The following AMPD2 variants were observed in gnomAD, a reference collection of about 807,000 sequenced individuals.
AMPD2 encodes the protein adenosine monophosphate deaminase 2.
AMPD2 carries 52 observed loss-of-function variants against 91.3 expected under a neutral mutation model. The observed-to-expected ratio is 0.57, with a 90% CI of 0.46 to 0.72. The LOEUF (loss-of-function observed/expected upper bound fraction) is 0.72. Ranked by LOEUF, AMPD2 falls within the 30% of genes least tolerant of loss-of-function variation. AMPD2 has a pLI of 0.00. For missense variants in AMPD2, 822 were observed against 1,122.3 expected, an observed-to-expected ratio of 0.73 and a Z score of 3.82; for synonymous variants, 455 against 456.4, an observed-to-expected ratio of 1.00 and a Z score of 0.04.
At position 109,626,836 on chromosome 1, in the gene AMPD2, C is replaced by T. The variant is rs1326648998; in HGVS notation, c.642C>T (p.Arg214=). ...SLQSFCPTTR[R]YLQQLAEKPL... ...AGAGCTTCTGCCCCACCACCCGCCGCTACCTGCAGCAGCTGGCTGAAAAGC... is the reference window on the plus strand; with the variant it reads ...AGAGCTTCTGCCCCACCACCCGCCGTTACCTGCAGCAGCTGGCTGAAAAGC... The change falls in exon 7 of 19, where the codon CGC becomes CGT. Residue 214 remains arginine, a synonymous_variant. Transcript: ENST00000528667. 6.2e-7 allele frequency: 1 copy of T among 1,613,960 alleles called. No individual in the cohort carries two copies. The highest frequency in any genetic ancestry group is 1.1e-5 in the South Asian group (1 of 91,086).
At chr1:109,623,025 GTTCAC>G (rs1650385373) in intron 2 of AMPD2, among the ~76,000 whole-genome samples, 2 of 152,142 alleles carry the variant, frequency 1.3e-5, no homozygotes, top group Non-Finnish European at 2.9e-5. Flanking sequence ...CTCCTGCCAA[GTTCAC>G]TTCACTGCCC....
rs970984504 is a variant in AMPD2 at position 109,631,810 on chromosome 1, G to A, written c.*658G>A. 7 of 154,862 alleles carry A rather than the reference G, an allele frequency of 4.5e-5. No individual in the cohort carries two copies. Among genetic ancestry groups the A allele is most frequent in the African/African-American group, 1.7e-4 (7 of 41,448 alleles). 9.6% of individuals were successfully genotyped at this position (154,862 alleles called of 1,614,324 possible). On this transcript the variant is annotated 3_prime_UTR_variant, in exon 19 of 19. Coordinates refer to ENST00000528667, the MANE Select transcript of AMPD2 (RefSeq NM_001368809.2). ...CGTGCTCCTTGGGTGTCAGCTTCCT[G>A]TGCCTCTGTGGGAGAGGGCAGCTGC...
At position 109,625,026 on chromosome 1, in the gene AMPD2, C is replaced by T. The variant is rs1244668621; in HGVS notation, c.92-277C>T. On this transcript the variant is annotated intron_variant, in intron 2 of 18. Coordinates refer to ENST00000528667, the MANE Select transcript of AMPD2 (RefSeq NM_001368809.2). The surrounding 1 kb of genome is among the most constrained non-coding windows in gnomAD (Gnocchi z 4.0). ...GATTCTCATGGCCTGAGGGATCAGG[C>T]TCTAGTCTCATTTGTGGAGGTAATG... is the stretch of plus-strand genomic sequence containing the variant. Among the ~76,000 whole-genome samples, 1 of 152,138 alleles carries T rather than the reference C, an allele frequency of 6.6e-6. No homozygotes were observed. The highest frequency in any genetic ancestry group is 2.1e-4 in the South Asian group (1 of 4,832).
rs1224083988 is a variant in AMPD2, at chr1:109,626,715, C to T, written c.532-11C>T. On this transcript the variant is annotated splice_polypyrimidine_tract_variant and intron_variant, in intron 6 of 18. Transcript: ENST00000528667. ...AGACTGAGGAGAGTGATCGCATATC[C>T]TCATCTCCAGGTGCCGTTCACAGAC... is the stretch of plus-strand genomic sequence containing the variant. The T allele has an allele frequency of 1.2e-6, 2 of 1,609,814 alleles. No individual in the cohort carries two copies. The highest frequency in any genetic ancestry group is 1.1e-5 in the South Asian group (1 of 90,626).
chr1:109,620,861 G>A, intron 1 of AMPD2, 53 bp from the exon 2 acceptor site: 1 of 1,438,506 alleles, frequency 7.0e-7, no homozygotes, highest in Non-Finnish European at 9.1e-7. Context: ...AGAGCTGGGG[G>A]CTGGCCCTTC....
Position 109,627,256 on chromosome 1 carries a change from T to A in AMPD2, c.800T>A (p.Leu267Ter). 1 of 1,611,406 alleles carries A rather than the reference T, an allele frequency of 6.2e-7. No homozygotes were observed. The highest frequency in any genetic ancestry group is 1.1e-5 in the South Asian group (1 of 90,706). Residue 267 changes from leucine to a stop codon, truncating the protein, a stop_gained, in exon 8 of 19, where the codon TTG becomes TAG. Coordinates refer to ENST00000528667, the MANE Select transcript of AMPD2 (RefSeq NM_001368809.2). LOFTEE classifies it high-confidence loss of function. ...AGCACCATGCCTGGGGACCTGGGCT[T>A]GGGTCTGCGCATGGTGCGGGGTGTG... ...EPSTMPGDLG[L>*]GLRMVRGVVH...
rs1007263382 is a variant in AMPD2 at position 109,625,515 on chromosome 1, C to T, written c.222+82C>T. On this transcript the variant is annotated intron_variant, in intron 3 of 18. Transcript: ENST00000528667. The surrounding 1 kb of genome is among the most constrained non-coding windows in gnomAD (Gnocchi z 4.0). The stretch of plus-strand genomic sequence containing the variant: ...CCCCACACCCCTCACCTCAAGCTGT[C>T]CCCTCACCTCACGCTTGGCTGTCTC... 6.7e-5 allele frequency: 108 copies of T among 1,602,950 alleles called. No homozygotes were observed. Among genetic ancestry groups the T allele is most frequent in the Non-Finnish European group, 9.0e-5 (105 of 1,173,008 alleles).
Position 109,626,234 on chromosome 1 carries a change from G to A in AMPD2, c.422+6G>A, listed in dbSNP as rs2101156812. On this transcript the variant is annotated splice_donor_region_variant and intron_variant, in intron 5 of 18. Transcript: ENST00000528667. ...GACAGTGACTCGGACCTACAGTGAGGAGGGCAGAGGGGCACAGGGGATGCG... is the reference window on the plus strand; with the variant it reads ...GACAGTGACTCGGACCTACAGTGAGAAGGGCAGAGGGGCACAGGGGATGCG... 2 of 1,614,144 alleles carry A rather than the reference G, an allele frequency of 1.2e-6. No individual in the cohort carries two copies. Among genetic ancestry groups the A allele is most frequent in the South Asian group, 2.2e-5 (2 of 91,078 alleles).
In AMPD2 at chr1:109,620,087, C is replaced by A; in HGVS notation, c.-454C>A. On this transcript the variant is annotated 5_prime_UTR_variant, in exon 1 of 19. Transcript: ENST00000528667. The stretch of plus-strand genomic sequence containing the variant: ...CCGGCTGCCGAGGTCTGCGGGAGTC[C>A]ACCTCCGGCCAGCTGGCAATTTTGA... 1.3e-6 allele frequency: 1 copy of A among 787,576 alleles called. No individual in the cohort carries two copies. Among genetic ancestry groups the A allele is most frequent in the South Asian group, 1.6e-5 (1 of 61,688 alleles). The allele number at this position is 787,576 out of a possible 1,614,324, so 48.8% of individuals were successfully genotyped here.
chr1:109,621,236 G>A lies in AMPD2; in HGVS notation c.61G>A (p.Ala21Thr), dbSNP rs771650356. The A allele has an allele frequency of 1.2e-6, 2 of 1,612,202 alleles. No homozygotes were observed. The highest frequency in any genetic ancestry group is 2.2e-5 in the East Asian group (1 of 44,834). ...GGCCAAATATCCCTTTAAGAAGCGG[G>A]CCAGCCTGCAGGCCTCCACTGCAGC... ...PKAKYPFKKR[A>T]SLQASTAAPE... The change falls in exon 2 of 19, where the codon GCC becomes ACC. Residue 21 changes from alanine (A) to threonine (T), a missense_variant. This residue lies in a region of AMPD2 where 105 missense variants were observed against 125.0 expected (regional missense o/e 0.84). Coordinates refer to ENST00000528667, the MANE Select transcript of AMPD2 (RefSeq NM_001368809.2).
chr1:109,621,412 C>T (rs1377407364), intron 2 of AMPD2, 146 bp downstream of exon 2: 2 of 327,958 alleles, frequency 6.1e-6, no homozygotes, highest in Non-Finnish European at 5.9e-6. Flanking sequence ...CAGGGACAGC[C>T]GGCTTGGAAG....
At chr1:109,630,605 G>C in intron 17 of AMPD2, 78 bp from the exon 18 acceptor site, 2 of 1,286,186 alleles carry the variant, frequency 1.6e-6, no homozygotes, top group Non-Finnish European at 2.2e-6. Flanking sequence ...GGTGGGGAGA[G>C]TGAGTGAGGA....
At chr1:109,630,552 A>G in intron 17 of AMPD2, 131 bp from the exon 18 acceptor site, 1 of 519,658 alleles carries the variant, frequency 1.9e-6, no homozygotes. Flanking sequence ...GACAAGTCTT[A>G]TGGAGTTGAG....
chr1:109,623,822 G>T (rs966511681), intron 2 of AMPD2: 2 of 169,184 alleles, frequency 1.2e-5, no homozygotes, highest in Non-Finnish European at 2.4e-5. Flanking sequence ...CTCACATCTG[G>T]CTGGGTCTTC....
chr1:109,627,368 G>A (rs1389923342), intron 8 of AMPD2, 52 bp downstream of exon 8: 1 of 1,613,282 alleles, frequency 6.2e-7, no homozygotes, highest in Non-Finnish European at 8.5e-7. Context: ...AGGTTGCGTT[G>A]GCTTGGGAGA....
chr1:109,622,808 T>A (rs1489308905), intron 2 of AMPD2, among the ~76,000 whole-genome samples: 2 of 151,904 alleles, frequency 1.3e-5, no homozygotes, highest in African/African-American at 4.8e-5. Context: ...GCTGACCCAA[T>A]ATGAACCAGC....
chr1:109,625,878 C>G lies in AMPD2; in HGVS notation c.353+86C>G, dbSNP rs1014111188. On this transcript the variant is annotated intron_variant, in intron 4 of 18. Coordinates refer to ENST00000528667, the MANE Select transcript of AMPD2 (RefSeq NM_001368809.2). This position sits in a 1 kb window ranked among gnomAD's most constrained non-coding sequence, Gnocchi z 4.0. The stretch of plus-strand genomic sequence containing the variant: ...CCTTTTCTGCCTCTTTCCCTCGCAC[C>G]CTGCCTTGGGGGGTCTGCACAGGGA... 19 of 1,563,978 alleles carry G rather than the reference C, an allele frequency of 1.2e-5. 1 individual carries two copies. In the South Asian group the frequency reaches 2.3e-4, roughly 19 times the overall value.
Position 109,621,169 on chromosome 1 carries a change from CCCAG to C in AMPD2, c.-3_1del. The C allele has an allele frequency of 6.2e-7, 1 of 1,601,090 alleles. No homozygotes were observed. Among genetic ancestry groups the C allele is most frequent in the Non-Finnish European group, 8.5e-7 (1 of 1,173,244 alleles). On this transcript the variant is annotated 5_prime_UTR_variant, in exon 2 of 19. Coordinates refer to ENST00000528667, the MANE Select transcript of AMPD2 (RefSeq NM_001368809.2). ...ACTCCCCCGCTGTCGCCGCCGTGGTCCCAGCCATGGCATCCTATCCATCTGGCTC... is the reference window on the plus strand; with the variant it reads ...ACTCCCCCGCTGTCGCCGCCGTGGTCCCATGGCATCCTATCCATCTGGCTC...
Position 109,630,822 on chromosome 1 carries a change from A to G in AMPD2, c.2268+29A>G, listed in dbSNP as rs1651184078. On this transcript the variant is annotated intron_variant, in intron 18 of 18. Coordinates refer to ENST00000528667, the MANE Select transcript of AMPD2 (RefSeq NM_001368809.2). ...CTACAGCGCCTGCCTGGACCTTGGC[A>G]TGGCATCACTCCTCCCCTCCTCTGC... is the stretch of plus-strand genomic sequence containing the variant. The G allele has an allele frequency of 1.9e-6, 3 of 1,595,764 alleles. 1 individual carries two copies. The South Asian group carries it at 3.4e-5, about 18-fold the overall frequency.
Sources: gnomAD v4.1 joint callset for allele counts (sites outside exome capture counted in the v4.1 genomes callset) on GRCh38, gnomAD v4.1.1 for gene constraint, gnomAD v4.1.1 regional missense constraint, Gnocchi (gnomAD v3.1) non-coding constraint, MANE v1.5 for transcripts, NCBI Gene and HGNC (gene_info 2026-07-23, HGNC 2026-07-21) for gene names.